Variants in PCDH19 observed in about 807,000 individuals in gnomAD.
PCDH19 encodes protocadherin 19.
A neutral mutation model predicts 46.2 loss-of-function variants in PCDH19; 6 were observed. The observed-to-expected ratio is 0.13, with a 90% CI of 0.07 to 0.26. PCDH19 has a LOEUF of 0.26. Among genes scored for constraint, PCDH19 ranks in the 10% least tolerant of loss-of-function variants. The pLI is 1.00. For missense variants in PCDH19, 740 were observed against 972.3 expected (o/e 0.76, Z 3.18); for synonymous variants, 481 against 415.7 (o/e 1.16, Z -1.91).
intron 5 of PCDH19, among the ~76,000 whole-genome samples, chrX:100,321,951 G>A (rs1208256300): frequency 4.6e-5 from 5 of 107,989 alleles, no homozygotes; most frequent in African/African-American, 1.4e-4. Flanking sequence ...CACCACACCC[G>A]GCTAATTTTT....
At chrX:100,322,833 GTA>G (rs60720039) in intron 5 of PCDH19, among the ~76,000 whole-genome samples, 2,712 of 48,660 alleles carry the variant, frequency 0.056, 116 homozygotes, top group East Asian at 0.14. Context: ...ATATTCCTAA[GTA>G]TATATATATA....
chrX:100,402,919 T>A, intron 2 of PCDH19, 68 bp from the exon 3 acceptor site: 1 of 867,357 alleles, frequency 1.2e-6, no homozygotes, highest in Non-Finnish European at 1.7e-6. Context: ...TAATAAACAT[T>A]AAGCACCCCA....
chrX:100,326,285 G>A (rs778876544), intron 5 of PCDH19, among the ~76,000 whole-genome samples: 4 of 112,075 alleles, frequency 3.6e-5, no homozygotes, highest in Non-Finnish European at 7.5e-5. Context: ...CCTGCTGGAA[G>A]CTCATTCATA....
intron 4 of PCDH19, among the ~76,000 whole-genome samples, chrX:100,349,621 C>A (rs1926511905): frequency 8.9e-6 from 1 of 112,317 alleles, no homozygotes; most frequent in Non-Finnish European, 1.9e-5. Context: ...CAAAATAATA[C>A]AATTTGCAAG....
At chrX:100,346,536 T>C (rs1040922229) in intron 4 of PCDH19, among the ~76,000 whole-genome samples, 1 of 111,974 alleles carries the variant, frequency 8.9e-6, no homozygotes, top group African/African-American at 3.2e-5. Flanking sequence ...CACATTAAAA[T>C]CCAGAAATCA....
intron 3 of PCDH19, among the ~76,000 whole-genome samples, chrX:100,385,418 C>A (rs1602622483): frequency 9.0e-6 from 1 of 111,226 alleles, no homozygotes; most frequent in East Asian, 2.8e-4. Context: ...GGCAAACAAT[C>A]AGAGATCACA....
intron 5 of PCDH19, among the ~76,000 whole-genome samples, chrX:100,333,189 GAAAGAAAGAAAGAA>G (rs1569294780): frequency 0.087 from 6,087 of 70,346 alleles, 357 homozygotes; most frequent in Middle Eastern, 0.2. Context: ...GAGAGAGAAA[GAAAGAAAGAAAGAA>G]AGAAAGAAAG....
chrX:100,314,090 G>A (rs1925224094), intron 5 of PCDH19, among the ~76,000 whole-genome samples: 1 of 111,599 alleles, frequency 9.0e-6, no homozygotes, highest in African/African-American at 3.3e-5. Flanking sequence ...TCCAATATGG[G>A]AGGTCAGCAG....
At chrX:100,389,403 G>C (rs1927806297) in intron 3 of PCDH19, among the ~76,000 whole-genome samples, 1 of 109,358 alleles carries the variant, frequency 9.1e-6, no homozygotes, top group Non-Finnish European at 1.9e-5. Flanking sequence ...GGGGGAAATA[G>C]GAAGATATTG....
At chrX:100,389,616 A>T (rs1281098295) in intron 3 of PCDH19, among the ~76,000 whole-genome samples, 1 of 111,694 alleles carries the variant, frequency 9.0e-6, no homozygotes, top group Non-Finnish European at 1.9e-5. Flanking sequence ...ATCATTTCAC[A>T]ATGTATACAT....
At chrX:100,301,188 A>G (rs1397740384) in intron 5 of PCDH19, among the ~76,000 whole-genome samples, 3 of 111,822 alleles carry the variant, frequency 2.7e-5, no homozygotes, top group Non-Finnish European at 5.6e-5. Flanking sequence ...TAATAAAAGA[A>G]AATGATGAAA....
rs1311017852 is a variant in PCDH19, at chrX:100,362,792, G to T, written c.2617-12088C>A. On this transcript the variant is annotated intron_variant, in intron 3 of 5. Coordinates refer to ENST00000373034, the MANE Select transcript of PCDH19 (RefSeq NM_001184880.2). ...AGCCTGGGAGACAGAGCGAGACTCC[G>T]ATTCAAAAAAAAAAAAAAAGTTACT... Among the ~76,000 whole-genome samples the T allele has an allele frequency of 6.7e-5, 6 of 89,941 alleles. 1 individual carries two copies. In the South Asian group the frequency reaches 3.5e-3, roughly 52 times the overall value. The allele number at this position is 89,941 out of a possible 115,157, so 78.1% of individuals were successfully genotyped here. A position where few individuals can be genotyped will look rare whatever the true frequency, so the allele number is the denominator to read the frequency against.
intron 3 of PCDH19, among the ~76,000 whole-genome samples, chrX:100,368,851 G>A (rs944783628): frequency 8.9e-6 from 1 of 111,742 alleles, no homozygotes; most frequent in South Asian, 3.8e-4. Flanking sequence ...TACACATTGT[G>A]TTGCTGTGCA....
chrX:100,301,620 C>T (rs780329513), intron 5 of PCDH19, among the ~76,000 whole-genome samples: 12 of 111,674 alleles, frequency 1.1e-4, no homozygotes, highest in East Asian at 8.4e-4. Flanking sequence ...TTCTGCATCA[C>T]CTCATGAACA....
chrX:100,304,644 T>C (rs1006733840), intron 5 of PCDH19, among the ~76,000 whole-genome samples: 3 of 111,213 alleles, frequency 2.7e-5, no homozygotes, highest in Non-Finnish European at 5.7e-5. Context: ...CAGAAAAAGG[T>C]GAAGTCCAAC....
At chrX:100,348,692 A>T (rs1029140083) in intron 4 of PCDH19, among the ~76,000 whole-genome samples, 83 of 111,973 alleles carry the variant, frequency 7.4e-4, no homozygotes, top group Non-Finnish European at 1.4e-3. Flanking sequence ...TAAACAAAAA[A>T]CATATAAAGT....
intron 4 of PCDH19, among the ~76,000 whole-genome samples, chrX:100,347,855 G>T (rs1926451630): frequency 9.2e-6 from 1 of 108,587 alleles, no homozygotes; most frequent in African/African-American, 3.4e-5. Flanking sequence ...TTGAGGTCAG[G>T]AGTTCAAGAC....
intron 3 of PCDH19, among the ~76,000 whole-genome samples, chrX:100,354,536 G>C (rs1348894846): frequency 8.9e-6 from 1 of 111,792 alleles, no homozygotes; most frequent in Non-Finnish European, 1.9e-5. Context: ...CAAAGGACTG[G>C]CCACAGGCTC....
At chrX:100,340,452 A>C (rs1926220891) in intron 5 of PCDH19, among the ~76,000 whole-genome samples, 1 of 112,579 alleles carries the variant, frequency 8.9e-6, no homozygotes, top group African/African-American at 3.2e-5. Context: ...CATTTCTTTG[A>C]AACACACAAC....
Sources: allele counts gnomAD v4.1 joint callset (sites outside exome capture counted in the v4.1 genomes callset), GRCh38; gene constraint gnomAD v4.1.1; transcripts MANE v1.5; gene names NCBI Gene and HGNC (gene_info 2026-07-23, HGNC 2026-07-21).